PXDNL: variants seen among roughly 807,000 people sequenced by gnomAD.
PXDNL encodes probable oxidoreductase PXDNL.
Under a neutral mutation model 150.8 loss-of-function variants are expected in PXDNL, and 145 were observed. The observed-to-expected ratio is 0.96, with a 90% confidence interval of 0.84 to 1.10. The LOEUF (loss-of-function observed/expected upper bound fraction) is 1.10. Among genes scored for constraint, PXDNL ranks in the 50% least tolerant of loss-of-function variants. The pLI is 0.00. For missense variants in PXDNL, 2,087 were observed against 1,873.9 expected, an observed-to-expected ratio of 1.11 and a Z score of -2.10; for synonymous variants, 757 against 725.7, an observed-to-expected ratio of 1.04 and a Z score of -0.69.
At chr8:51,531,612 T>A (rs928428465) in intron 4 of PXDNL, among the ~76,000 whole-genome samples, 1 of 152,174 alleles carries the variant, frequency 6.6e-6, no homozygotes, top group Non-Finnish European at 1.5e-5. Context: ...AGCAGAGAGA[T>A]GGAGCATGAG....
At chr8:51,391,049 T>C (rs1807888789) in intron 17 of PXDNL, among the ~76,000 whole-genome samples, 1 of 152,194 alleles carries the variant, frequency 6.6e-6, no homozygotes, top group South Asian at 2.1e-4. Flanking sequence ...TCCAATTTCA[T>C]CCATGTCCTT....
chr8:51,750,953 C>A (rs1177938877), intron 1 of PXDNL, among the ~76,000 whole-genome samples: 1 of 151,976 alleles, frequency 6.6e-6, no homozygotes, highest in African/African-American at 2.4e-5. Context: ...ACAAAAGTTA[C>A]AAATGCTTTG....
At chr8:51,455,714 A>G (rs984934902) in intron 9 of PXDNL, among the ~76,000 whole-genome samples, 1 of 152,168 alleles carries the variant, frequency 6.6e-6, no homozygotes, top group African/African-American at 2.4e-5. Flanking sequence ...CTAGAGGCAG[A>G]AGGGAAGGAG....
chr8:51,670,956 T>A (rs532592217), intron 1 of PXDNL, among the ~76,000 whole-genome samples: 1 of 152,332 alleles, frequency 6.6e-6, no homozygotes, highest in South Asian at 2.1e-4. Flanking sequence ...ATGCCATGAC[T>A]CAATATTCTA....
At chr8:51,544,809 A>T (rs1429536612) in intron 4 of PXDNL, among the ~76,000 whole-genome samples, 1 of 152,144 alleles carries the variant, frequency 6.6e-6, no homozygotes, top group African/African-American at 2.4e-5. Context: ...TACTGTCAAG[A>T]CCTCTGAAAA....
At chr8:51,527,537 C>T (rs1166079530) in intron 4 of PXDNL, among the ~76,000 whole-genome samples, 1 of 152,196 alleles carries the variant, frequency 6.6e-6, no homozygotes, top group Non-Finnish European at 1.5e-5. Flanking sequence ...TCTACAACAA[C>T]CCTGTGAGGT....
chr8:51,639,842 A>C (rs1474360930), intron 2 of PXDNL, among the ~76,000 whole-genome samples: 2 of 152,184 alleles, frequency 1.3e-5, no homozygotes, highest in Admixed American at 1.3e-4. Context: ...AATCCTCCCT[A>C]ACTCATTTTA....
chr8:51,588,108 C>T (rs2130645718), intron 3 of PXDNL, among the ~76,000 whole-genome samples: 1 of 152,138 alleles, frequency 6.6e-6, no homozygotes, highest in East Asian at 1.9e-4. Context: ...AGCCAAGGAA[C>T]AAACAATAAG....
chr8:51,683,197 A>ATATATATATATC, intron 1 of PXDNL, among the ~76,000 whole-genome samples: 1 of 129,080 alleles, frequency 7.7e-6, no homozygotes, highest in Non-Finnish European at 1.6e-5. Context: ...ATATATATAT[A>ATATATATATATC]TATGCCTATT....
intron 1 of PXDNL, among the ~76,000 whole-genome samples, chr8:51,730,480 A>G (rs754584713): frequency 6.6e-6 from 1 of 152,196 alleles, no homozygotes; most frequent in Non-Finnish European, 1.5e-5. Flanking sequence ...TAATCTCTGA[A>G]CAGTTTACCA....
intron 1 of PXDNL, among the ~76,000 whole-genome samples, chr8:51,713,645 T>C (rs1358955577): frequency 1.3e-5 from 2 of 152,136 alleles, no homozygotes; most frequent in African/African-American, 4.8e-5. Context: ...GCTAAAAGAC[T>C]TGGTTAGTCA....
intron 1 of PXDNL, among the ~76,000 whole-genome samples, chr8:51,750,240 C>CAT (rs1299491452): frequency 2.6e-5 from 4 of 152,020 alleles, no homozygotes; most frequent in African/African-American, 9.7e-5. Context: ...CAGACACACA[C>CAT]ATTATCCCAG....
intron 1 of PXDNL, among the ~76,000 whole-genome samples, chr8:51,727,733 A>G (rs1419326569): frequency 2.0e-5 from 3 of 152,234 alleles, no homozygotes; most frequent in Non-Finnish European, 2.9e-5. Context: ...CTAGGGATCT[A>G]CAATCACGCT....
At chr8:51,760,841 T>A (rs1339587589) in intron 1 of PXDNL, among the ~76,000 whole-genome samples, 4 of 136,402 alleles carry the variant, frequency 2.9e-5, no homozygotes, top group Non-Finnish European at 6.2e-5. Flanking sequence ...GGAAATCACT[T>A]AAACTTTTTT....
At chr8:51,778,396 G>A (rs1024204422) in intron 1 of PXDNL, among the ~76,000 whole-genome samples, 2 of 152,114 alleles carry the variant, frequency 1.3e-5, no homozygotes, top group African/African-American at 4.8e-5. Flanking sequence ...GTGACTACTG[G>A]GAAGTTCTTT....
At chr8:51,327,255 C>T (rs1805529285) in intron 21 of PXDNL, among the ~76,000 whole-genome samples, 1 of 152,168 alleles carries the variant, frequency 6.6e-6, no homozygotes, top group Non-Finnish European at 1.5e-5. Flanking sequence ...TTAGCAAAAC[C>T]TGTCTAATTC....
intron 1 of PXDNL, among the ~76,000 whole-genome samples, chr8:51,712,607 T>C (rs1343091431): frequency 1.3e-5 from 2 of 152,188 alleles, no homozygotes; most frequent in Admixed American, 1.3e-4. Flanking sequence ...ATCACATGTA[T>C]CAAAGTTAAT....
In PXDNL at chr8:51,370,539, C is replaced by T. The variant is rs534126523; in HGVS notation, c.3901+1334G>A. ...GAGGTAAGGGAAAGAATGCCACCCT[C>T]CCCGGGGTACCACATTCCTTTTTGC... is the stretch of plus-strand genomic sequence containing the variant. On this transcript the variant is annotated intron_variant, in intron 19 of 22. Coordinates refer to ENST00000356297, the MANE Select transcript of PXDNL (RefSeq NM_144651.5). Among the ~76,000 whole-genome samples, 7 of 152,208 alleles carry T rather than the reference C, an allele frequency of 4.6e-5. No individual in the cohort carries two copies. The South Asian group carries it at 1.4e-3, about 31-fold the overall frequency.
intron 2 of PXDNL, among the ~76,000 whole-genome samples, chr8:51,643,756 A>G (rs1016525742): frequency 6.6e-6 from 1 of 152,222 alleles, no homozygotes; most frequent in Non-Finnish European, 1.5e-5. Flanking sequence ...GTGAACAGGC[A>G]ACCTACAGAA....
Sources: allele counts gnomAD v4.1 joint callset (sites outside exome capture counted in the v4.1 genomes callset), GRCh38; gene constraint gnomAD v4.1.1; transcripts MANE v1.5; gene names NCBI Gene and HGNC (gene_info 2026-07-23, HGNC 2026-07-21).